The following GYG2 variants were observed in gnomAD, a reference collection of about 807,000 sequenced individuals.
GYG2 encodes the protein glycogenin-2.
In GYG2, 29 loss-of-function variants were observed where a neutral mutation model predicts 29.4. The observed-to-expected ratio is 0.99, with a 90% CI of 0.74 to 1.35. GYG2 has a LOEUF of 1.35. Ranked by LOEUF, GYG2 falls within the 40% of genes most tolerant of loss-of-function variation. The probability of loss-of-function intolerance (pLI) is 0.00; values close to 1 mark genes in which losing one functional copy is unlikely to be tolerated. For synonymous variants in GYG2, 167 were observed against 172.3 expected (o/e 0.97, Z 0.24); for missense variants, 370 against 385.7 (o/e 0.96, Z 0.34).
intron 8 of GYG2, among the ~76,000 whole-genome samples, chrX:2,864,624 C>T (rs2088254164): frequency 1.8e-5 from 2 of 111,348 alleles, no homozygotes; most frequent in Non-Finnish European, 3.8e-5. Flanking sequence ...TTTCCGGTTG[C>T]GTAATTTTAA....
rs375665541 is a variant in GYG2 at position 2,861,503 on chromosome X, C to T, written c.838-19C>T. 6.1e-5 allele frequency: 71 copies of T among 1,172,567 alleles called. No individual in the cohort carries two copies. The highest frequency in any genetic ancestry group is 1.2e-4 in the African/African-American group (7 of 56,690). On this transcript the variant is annotated intron_variant, in intron 7 of 10. Transcript: ENST00000398806. The stretch of plus-strand genomic sequence containing the variant: ...GGAGACATAGGGAAGACTCACTCCA[C>T]GTGTGTGTTTTTGTGCAGCTTTGCC...
At chrX:2,857,414 A>C (rs5901213) in intron 6 of GYG2, among the ~76,000 whole-genome samples, 7 of 56,039 alleles carry the variant, frequency 1.2e-4, no homozygotes, top group African/African-American at 2.4e-4. Flanking sequence ...AGATATCTAT[A>C]TCTATCTATC....
Position 2,843,264 on chromosome X carries a change from G to T in GYG2, c.59G>T (p.Gly20Val). The T allele has an allele frequency of 8.4e-7, 1 of 1,196,485 alleles. No individual in the cohort carries two copies. The highest frequency in any genetic ancestry group is 1.8e-5 in the South Asian group (1 of 56,476). The change falls in exon 3 of 11, where the codon GGC becomes GTC. Residue 20 changes from glycine to valine, a missense_variant. Physicochemically the swap from Gly to Val is moderately radical, Grantham distance 109. Transcript: ENST00000398806. ...GCCACCAATGACATCTACTGCCAGG[G>T]CGCCCTGGTCCTGGGGCAGTCACTG... ...TLATNDIYCQ[G>V]ALVLGQSLRR...
At chrX:2,861,429 C>T (rs1254754796) in intron 7 of GYG2, 93 bp from the exon 8 acceptor site, 5 of 626,815 alleles carry the variant, frequency 8.0e-6, no homozygotes, top group African/African-American at 2.2e-5. Context: ...AGCTGGGAGC[C>T]CTGGCTACAC....
intron 2 of GYG2, among the ~76,000 whole-genome samples, chrX:2,832,070 G>T (rs1044366768): frequency 4.4e-5 from 5 of 112,814 alleles, no homozygotes; most frequent in African/African-American, 1.3e-4. Context: ...CGCCGCACCA[G>T]GACTTGATCA....
intron 9 of GYG2, 40 bp downstream of exon 9, chrX:2,875,954 T>G: frequency 1.3e-6 from 1 of 748,713 alleles, no homozygotes; most frequent in Non-Finnish European, 2.1e-6. Context: ...GCCAGCTCTC[T>G]TATTGCTTGT....
intron 2 of GYG2, among the ~76,000 whole-genome samples, chrX:2,839,755 T>C (rs1217042634): frequency 8.9e-6 from 1 of 112,097 alleles, no homozygotes; most frequent in Non-Finnish European, 1.9e-5. Flanking sequence ...TTTTATGTCA[T>C]GTGAAATTTA....
At chrX:2,849,070 A>G (rs2087810515) in intron 3 of GYG2, among the ~76,000 whole-genome samples, 1 of 110,909 alleles carries the variant, frequency 9.0e-6, no homozygotes, top group Non-Finnish European at 1.9e-5. Flanking sequence ...TTGCAGGGAA[A>G]CCTGCTTTAA....
chrX:2,867,934 A>G (rs767523430), intron 8 of GYG2, among the ~76,000 whole-genome samples: 233 of 109,574 alleles, frequency 2.1e-3, no homozygotes, highest in African/African-American at 7.2e-3. Context: ...TGTCTCTACT[A>G]AAAATACAAA....
chrX:2,860,772 C>CA (rs2088143575), intron 7 of GYG2, among the ~76,000 whole-genome samples: 2 of 109,590 alleles, frequency 1.8e-5, no homozygotes, highest in South Asian at 7.9e-4. Context: ...CTCTGTTACC[C>CA]AGGCTGGAGT....
intron 2 of GYG2, among the ~76,000 whole-genome samples, chrX:2,838,114 G>A (rs1349565601): frequency 1.1e-4 from 12 of 111,595 alleles, no homozygotes; most frequent in African/African-American, 1.3e-4. Flanking sequence ...GAAATGGTAC[G>A]TGGTAGATAA....
chrX:2,839,273 C>A (rs1340079621), intron 2 of GYG2, among the ~76,000 whole-genome samples: 4 of 111,542 alleles, frequency 3.6e-5, no homozygotes, highest in Admixed American at 2.9e-4. Context: ...GTGACTTCTC[C>A]AGTTTCTCTT....
chrX:2,859,396 T>C (rs2088101392), intron 6 of GYG2, among the ~76,000 whole-genome samples: 1 of 111,296 alleles, frequency 9.0e-6, no homozygotes, highest in Non-Finnish European at 1.9e-5. Flanking sequence ...TATTGTTGAC[T>C]ATATATTGAT....
At chrX:2,832,192 T>TA (rs2087279348) in intron 2 of GYG2, among the ~76,000 whole-genome samples, 1 of 112,690 alleles carries the variant, frequency 8.9e-6, no homozygotes, top group South Asian at 3.7e-4. Context: ...AGATGGGTTT[T>TA]ACAGTGTCCT....
At chrX:2,832,157 A>G (rs1278943629) in intron 2 of GYG2, among the ~76,000 whole-genome samples, 1 of 112,630 alleles carries the variant, frequency 8.9e-6, no homozygotes, top group East Asian at 2.8e-4. Context: ...TTCTATTTCA[A>G]TCTGCTGGTC....
chrX:2,861,614 G>A lies in GYG2; in HGVS notation c.930G>A (p.Pro310=), dbSNP rs765965808. 39 of 1,204,682 alleles carry A rather than the reference G, an allele frequency of 3.2e-5. No homozygotes were observed. In the Middle Eastern group the frequency reaches 9.3e-4, roughly 29 times the overall value. Residue 310 remains proline, a synonymous_variant, in exon 8 of 11, where the codon CCG becomes CCA. Transcript: ENST00000398806. ...ATTCAACACCCAGTGCGGGCGTGCC[G>A]TGTGCAAATTCACCACTGGGTTCTA... ...CENSTPSAGV[P]CANSPLGSNQ... is the part of the protein sequence containing the mutation.
chrX:2,861,689 C>A lies in GYG2; in HGVS notation c.1005C>A (p.Thr335=). The change falls in exon 8 of 11, where the codon ACC becomes ACA. Residue 335 remains threonine (T), a synonymous_variant. Coordinates refer to ENST00000398806, the MANE Select transcript of GYG2 (RefSeq NM_001079855.2). The part of the protein sequence containing the change: ...LPEPTQIVDE[T]LSLPEGRRSE... ...AGCCGACCCAGATAGTGGATGAGAC[C>A]CTGTCCCTACCTGAAGGACGCCGTT... is the stretch of plus-strand genomic sequence containing the variant. The A allele has an allele frequency of 8.4e-7, 1 of 1,195,818 alleles. No individual in the cohort carries two copies. Among genetic ancestry groups the A allele is most frequent in the East Asian group, 3.0e-5 (1 of 33,172 alleles).
intron 3 of GYG2, among the ~76,000 whole-genome samples, chrX:2,849,186 T>C (rs2087812469): frequency 1.8e-5 from 2 of 111,661 alleles, no homozygotes; most frequent in South Asian, 3.7e-4. Context: ...GTGCCATTTG[T>C]AGTGAGGTGG....
Position 2,830,050 on chromosome X carries a change from G to A in GYG2, c.-128-11G>A. ...CCGAGGGTGTCGAGACTGCCACGCTGTCGCCCCCAGGCCTGGAAATCCACG... is the reference window on the plus strand; with the variant it reads ...CCGAGGGTGTCGAGACTGCCACGCTATCGCCCCCAGGCCTGGAAATCCACG... On this transcript the variant is annotated splice_polypyrimidine_tract_variant and intron_variant, in intron 1 of 10. Transcript: ENST00000398806. 2 of 568,527 alleles carry A rather than the reference G, an allele frequency of 3.5e-6. No individual in the cohort carries two copies. The highest frequency in any genetic ancestry group is 5.8e-6 in the Non-Finnish European group (2 of 343,302). The allele number at this position is 568,527 out of a possible 1,213,427, so 46.9% of individuals were successfully genotyped here. A position where few individuals can be genotyped will look rare whatever the true frequency, so the allele number is the denominator to read the frequency against.
Sources: gnomAD v4.1 joint callset for allele counts (sites outside exome capture counted in the v4.1 genomes callset) on GRCh38, gnomAD v4.1.1 for gene constraint, MANE v1.5 for transcripts, NCBI Gene and HGNC (gene_info 2026-07-23, HGNC 2026-07-21) for gene names.